Variants in CNTN6 observed in about 807,000 individuals in gnomAD.
CNTN6 encodes the protein contactin-6.
In CNTN6, 137 loss-of-function variants were observed where a neutral mutation model predicts 122.8. The observed-to-expected ratio is 1.12, with a 90% CI of 0.97 to 1.29. The LOEUF (loss-of-function observed/expected upper bound fraction) is 1.29, where lower values mean the gene tolerates loss of function less well. CNTN6 is among the 50% of genes most tolerant of loss of function. CNTN6 has a pLI of 0.00. For missense variants in CNTN6, 1,634 were observed against 1,223.4 expected (o/e 1.34, Z -5.01); for synonymous variants, 570 against 426.0 (o/e 1.34, Z -4.16).
chr3:1,350,400 T>C (rs976052542), intron 11 of CNTN6, among the ~76,000 whole-genome samples: 1 of 151,886 alleles, frequency 6.6e-6, no homozygotes, highest in African/African-American at 2.4e-5. Context: ...GATAATTAGA[T>C]ATAACTTCAT....
intron 22 of CNTN6, 56 bp downstream of exon 22, chr3:1,402,542 A>G: frequency 6.9e-7 from 1 of 1,445,284 alleles, no homozygotes; most frequent in Non-Finnish European, 9.5e-7. Flanking sequence ...CTGCAGCATG[A>G]AATTCAGCTC....
At chr3:1,396,012 C>A (rs2126245193) in intron 20 of CNTN6, among the ~76,000 whole-genome samples, 1 of 152,240 alleles carries the variant, frequency 6.6e-6, no homozygotes, top group Non-Finnish European at 1.5e-5. Context: ...CCCTGACTGT[C>A]AAATCCTCCA....
intron 5 of CNTN6, among the ~76,000 whole-genome samples, chr3:1,289,699 G>C (rs1438053542): frequency 7.2e-6 from 1 of 138,824 alleles, no homozygotes; most frequent in Non-Finnish European, 1.5e-5. Context: ...TTTTGAGACA[G>C]AGTCTCGCTC....
intron 12 of CNTN6, among the ~76,000 whole-genome samples, chr3:1,359,621 T>C (rs547181600): frequency 6.6e-6 from 1 of 152,250 alleles, no homozygotes; most frequent in Admixed American, 6.5e-5. Context: ...ATGCTGCATG[T>C]AGATTTTAAT....
At chr3:1,380,725 G>T (rs1259635918) in intron 17 of CNTN6, among the ~76,000 whole-genome samples, 2 of 152,082 alleles carry the variant, frequency 1.3e-5, no homozygotes, top group African/African-American at 4.8e-5. Flanking sequence ...TATAGGTGTG[G>T]GTGTGTCTCA....
At chr3:1,341,267 T>C (rs1020552274) in intron 11 of CNTN6, among the ~76,000 whole-genome samples, 26 of 151,592 alleles carry the variant, frequency 1.7e-4, no homozygotes, top group African/African-American at 6.3e-4. Flanking sequence ...CTTTCTAGTC[T>C]TTTCTTTTGA....
At chr3:1,266,344 C>T (rs375107469) in intron 4 of CNTN6, among the ~76,000 whole-genome samples, 10 of 152,078 alleles carry the variant, frequency 6.6e-5, no homozygotes, top group African/African-American at 1.4e-4. Flanking sequence ...GAAAATTCAA[C>T]GGAAAAATGT....
intron 13 of CNTN6, 95 bp from the exon 14 acceptor site, chr3:1,372,743 T>A (rs1025395377): frequency 2.6e-6 from 2 of 765,466 alleles, no homozygotes; most frequent in African/African-American, 3.5e-5. Flanking sequence ...AATTTCAGAG[T>A]TGTTTTATGT....
chr3:1,388,351 CCTGT>C (rs1271870741), intron 20 of CNTN6, among the ~76,000 whole-genome samples: 10 of 146,602 alleles, frequency 6.8e-5, no homozygotes, highest in South Asian at 2.2e-4. Context: ...AGCTGAGGGT[CCTGT>C]CTGTTAGAAG....
At chr3:1,233,814 G>A (rs2094388650) in intron 4 of CNTN6, among the ~76,000 whole-genome samples, 1 of 146,544 alleles carries the variant, frequency 6.8e-6, no homozygotes, top group Admixed American at 6.8e-5. Flanking sequence ...ACATATTAAT[G>A]ATATTATTAA....
chr3:1,381,804 T>G (rs945110177), intron 17 of CNTN6, among the ~76,000 whole-genome samples: 5 of 152,152 alleles, frequency 3.3e-5, no homozygotes, highest in Admixed American at 3.3e-4. Context: ...TATCTATCAT[T>G]GTTTTGCCAC....
intron 1 of CNTN6, among the ~76,000 whole-genome samples, chr3:1,133,053 A>AC (rs1419567347): frequency 6.6e-6 from 1 of 152,172 alleles, no homozygotes; most frequent in Non-Finnish European, 1.5e-5. Flanking sequence ...GTATACAAGG[A>AC]CACATACACA....
At chr3:1,355,188 A>G (rs1005769632) in intron 12 of CNTN6, among the ~76,000 whole-genome samples, 59 of 151,760 alleles carry the variant, frequency 3.9e-4, no homozygotes, top group African/African-American at 1.4e-3. Context: ...TTTGTCATTA[A>G]CAAGAACTAT....
intron 21 of CNTN6, 111 bp from the exon 22 acceptor site, chr3:1,402,207 G>A: frequency 1.4e-6 from 1 of 702,810 alleles, no homozygotes; most frequent in South Asian, 3.0e-5. Flanking sequence ...TCCATCTGAG[G>A]AGTACAACAT....
At chr3:1,127,762 G>A (rs879153469) in intron 1 of CNTN6, among the ~76,000 whole-genome samples, 2 of 151,786 alleles carry the variant, frequency 1.3e-5, no homozygotes, top group South Asian at 2.1e-4. Flanking sequence ...TAGCTGGAGG[G>A]TCTTTTCTAT....
chr3:1,338,689 G>T (rs1206931831), intron 11 of CNTN6, among the ~76,000 whole-genome samples: 1 of 152,034 alleles, frequency 6.6e-6, no homozygotes, highest in East Asian at 1.9e-4. Flanking sequence ...AGTGACACTT[G>T]TATCTTCAAA....
intron 2 of CNTN6, among the ~76,000 whole-genome samples, chr3:1,169,786 T>C (rs1315052023): frequency 2.6e-5 from 4 of 152,228 alleles, no homozygotes; most frequent in Admixed American, 2.6e-4. Context: ...GCTTTCTATT[T>C]TATTTGATAA....
At chr3:1,180,680 A>C (rs747389911) in intron 2 of CNTN6, among the ~76,000 whole-genome samples, 1 of 152,218 alleles carries the variant, frequency 6.6e-6, no homozygotes, top group Non-Finnish European at 1.5e-5. Context: ...CATTTCACCA[A>C]TATTTATGGA....
intron 7 of CNTN6, among the ~76,000 whole-genome samples, chr3:1,300,456 G>GAAGGAAGGAAGT (rs1697028695): frequency 1.9e-5 from 1 of 53,084 alleles, no homozygotes; most frequent in Admixed American, 2.1e-4. Flanking sequence ...GTTCAGGAAG[G>GAAGGAAGGAAGT]AAGGAAGGAA....
Sources: allele counts gnomAD v4.1 joint callset (sites outside exome capture counted in the v4.1 genomes callset), GRCh38; gene constraint gnomAD v4.1.1; transcripts MANE v1.5; gene names NCBI Gene and HGNC (gene_info 2026-07-23, HGNC 2026-07-21).